Variants in MAML2 observed in about 807,000 individuals in gnomAD.
The protein encoded by MAML2 is mastermind like transcriptional coactivator 2, also known as mastermind-like protein 2.
A neutral mutation model predicts 96.1 loss-of-function variants in MAML2; 22 were observed. That is an observed-to-expected ratio of 0.23 (90% confidence interval 0.16 to 0.33). MAML2 has a LOEUF of 0.33. Among genes scored for constraint, MAML2 ranks in the 10% least tolerant of loss-of-function variants. MAML2 has a pLI of 1.00. For missense variants in MAML2, 1,367 were observed against 1,392.4 expected (o/e 0.98, Z 0.29); for synonymous variants, 561 against 521.3 (o/e 1.08, Z -1.04).
At chr11:96,323,676 G>A (rs1033473053) in intron 1 of MAML2, among the ~76,000 whole-genome samples, 1 of 152,136 alleles carries the variant, frequency 6.6e-6, no homozygotes, top group Non-Finnish European at 1.5e-5. Flanking sequence ...CAATTCATCC[G>A]GAATCTCTAT....
chr11:96,317,597 T>G (rs761122260), intron 1 of MAML2, among the ~76,000 whole-genome samples: 21 of 152,228 alleles, frequency 1.4e-4, no homozygotes, highest in Non-Finnish European at 2.9e-4. Context: ...TCCCTCTTAC[T>G]GCCAGTTTCT....
At chr11:96,135,449 T>C (rs1025081537) in intron 1 of MAML2, among the ~76,000 whole-genome samples, 2 of 152,062 alleles carry the variant, frequency 1.3e-5, no homozygotes, top group Admixed American at 1.3e-4. Flanking sequence ...TTCTTATTAT[T>C]ACACTTTTAC....
At chr11:96,251,579 A>T (rs909665529) in intron 1 of MAML2, among the ~76,000 whole-genome samples, 1 of 152,182 alleles carries the variant, frequency 6.6e-6, no homozygotes, top group Non-Finnish European at 1.5e-5. Flanking sequence ...AGCCCAAAAG[A>T]CAGGTATGTT....
intron 1 of MAML2, among the ~76,000 whole-genome samples, chr11:96,138,578 T>G (rs1011636019): frequency 1.4e-4 from 22 of 152,206 alleles, no homozygotes; most frequent in African/African-American, 5.3e-4. Flanking sequence ...CCTGTTTTCC[T>G]TACCCCCAAG....
At chr11:96,254,764 T>G (rs1392291684) in intron 1 of MAML2, among the ~76,000 whole-genome samples, 1 of 152,196 alleles carries the variant, frequency 6.6e-6, no homozygotes, top group Non-Finnish European at 1.5e-5. Context: ...TTTTGCAATG[T>G]AACAAAATGG....
chr11:96,324,719 T>C (rs934333574), intron 1 of MAML2, among the ~76,000 whole-genome samples: 5 of 152,222 alleles, frequency 3.3e-5, no homozygotes, highest in African/African-American at 1.2e-4. Flanking sequence ...GGATTCAAAA[T>C]CACTTCTCAG....
At chr11:96,309,917 G>T (rs184801788) in intron 1 of MAML2, among the ~76,000 whole-genome samples, 1 of 151,788 alleles carries the variant, frequency 6.6e-6, no homozygotes, top group African/African-American at 2.4e-5. Context: ...TGACTAGGCC[G>T]GTCTTAAACT....
intron 1 of MAML2, among the ~76,000 whole-genome samples, chr11:96,203,616 T>C (rs1392896376): frequency 6.6e-6 from 1 of 152,228 alleles, no homozygotes; most frequent in Admixed American, 6.5e-5. Flanking sequence ...TATATTCTAA[T>C]GCAAGAAGTC....
At chr11:96,126,120 C>T (rs1194125691) in intron 1 of MAML2, among the ~76,000 whole-genome samples, 1 of 152,132 alleles carries the variant, frequency 6.6e-6, no homozygotes, top group Non-Finnish European at 1.5e-5. Context: ...ATGTAGTCAG[C>T]ATCTGGATGT....
At chr11:95,985,259 T>G (rs957940098) in intron 4 of MAML2, among the ~76,000 whole-genome samples, 8 of 152,184 alleles carry the variant, frequency 5.3e-5, no homozygotes, top group Non-Finnish European at 1.0e-4. Context: ...GGAAGGAGAA[T>G]GATTGAACCT....
intron 4 of MAML2, among the ~76,000 whole-genome samples, chr11:95,983,751 TAGAGA>T (rs1857781246): frequency 6.6e-6 from 1 of 152,082 alleles, no homozygotes; most frequent in African/African-American, 2.4e-5. Flanking sequence ...AATAAGGATA[TAGAGA>T]AGAAATATTT....
chr11:96,305,665 C>T (rs1591124078), intron 1 of MAML2, among the ~76,000 whole-genome samples: 1 of 152,174 alleles, frequency 6.6e-6, no homozygotes, highest in Non-Finnish European at 1.5e-5. Flanking sequence ...CTGTAAGTTA[C>T]TATTCAAGTC....
chr11:96,123,302 T>C (rs1240912255), intron 1 of MAML2, among the ~76,000 whole-genome samples: 1 of 148,526 alleles, frequency 6.7e-6, no homozygotes, highest in African/African-American at 2.4e-5. Flanking sequence ...ACATTTACAG[T>C]CTTTTTTTTT....
intron 2 of MAML2, among the ~76,000 whole-genome samples, chr11:96,016,044 G>T (rs562753060): frequency 6.6e-6 from 1 of 152,026 alleles, no homozygotes; most frequent in Non-Finnish European, 1.5e-5. Flanking sequence ...TCATCAGGTC[G>T]CTTCTAAAGT....
chr11:96,152,178 C>T (rs573619043), intron 1 of MAML2, among the ~76,000 whole-genome samples: 1 of 152,292 alleles, frequency 6.6e-6, no homozygotes, highest in African/African-American at 2.4e-5. Context: ...GCTATGATTG[C>T]ACCACTGCAC....
intron 2 of MAML2, among the ~76,000 whole-genome samples, chr11:96,082,414 T>C (rs10765787): frequency 0.82 from 124,575 of 152,086 alleles, 51,730 homozygotes; most frequent in African/African-American, 0.87. Flanking sequence ...GGAGTGATTA[T>C]AGCAACATGG....
chr11:96,047,314 C>T (rs1282507176), intron 2 of MAML2, among the ~76,000 whole-genome samples: 4 of 152,142 alleles, frequency 2.6e-5, no homozygotes, highest in Non-Finnish European at 5.9e-5. Context: ...AACTCACCTC[C>T]CAACCCAAAC....
chr11:96,302,535 G>A (rs1684803236), intron 1 of MAML2, among the ~76,000 whole-genome samples: 1 of 152,288 alleles, frequency 6.6e-6, no homozygotes, highest in South Asian at 2.1e-4. Flanking sequence ...ACTCCTGGAG[G>A]TTGGGGAGAA....
intron 2 of MAML2, among the ~76,000 whole-genome samples, chr11:96,069,934 G>A (rs1229860218): frequency 1.3e-5 from 2 of 150,894 alleles, no homozygotes; most frequent in Admixed American, 1.3e-4. Context: ...GAGGCAGGAG[G>A]AATCACTTGA....
Sources: gnomAD v4.1 joint callset for allele counts (sites outside exome capture counted in the v4.1 genomes callset) on GRCh38, gnomAD v4.1.1 for gene constraint, MANE v1.5 for transcripts, NCBI Gene and HGNC (gene_info 2026-07-23, HGNC 2026-07-21) for gene names.